Variants in ADCY6 observed in about 807,000 individuals in gnomAD.
ADCY6 encodes adenylate cyclase type 6.
ADCY6 carries 59 observed loss-of-function variants against 111.6 expected under a neutral mutation model. The ratio of observed to expected loss-of-function variants is 0.53; its 90% CI spans 0.43 to 0.66. ADCY6 has a LOEUF of 0.66. ADCY6 is among the 30% of genes least tolerant of loss of function. The pLI is 0.00. For synonymous variants in ADCY6, 576 were observed against 642.9 expected, an observed-to-expected ratio of 0.90 and a Z score of 1.57; for missense variants, 1,242 against 1,595.6, an observed-to-expected ratio of 0.78 and a Z score of 3.78.
Position 48,771,075 on chromosome 12 carries a change from G to A in ADCY6, c.3052-105C>T. On this transcript the variant is annotated intron_variant, in intron 19 of 21. Transcript: ENST00000357869. This position sits in a 1 kb window ranked among gnomAD's most constrained non-coding sequence, Gnocchi z 4.3. ...CCTTGGCTGCCTTCCCCACTTCCCT[G>A]TCTCAAGAGCCCCCTTCCAGCTGCT... The A allele has an allele frequency of 8.9e-7, 1 of 1,129,932 alleles. No homozygotes were observed. The highest frequency in any genetic ancestry group is 1.3e-6 in the Non-Finnish European group (1 of 787,702). 70.0% of individuals were successfully genotyped at this position (1,129,932 alleles called of 1,614,324 possible).
chr12:48,775,621 A>AG, intron 10 of ADCY6, 52 bp downstream of exon 10: 1 of 1,598,100 alleles, frequency 6.3e-7, no homozygotes, highest in Non-Finnish European at 8.6e-7. Flanking sequence ...GGCTCCCCCC[A>AG]GCCCCATCCC....
chr12:48,782,090 C>T lies in ADCY6; in HGVS notation c.864+481G>A, dbSNP rs1311654168. 6.6e-6 allele frequency among the ~76,000 whole-genome samples: 1 copy of T among 152,162 alleles called. No individual in the cohort carries two copies. Among genetic ancestry groups the T allele is most frequent in the Non-Finnish European group, 1.5e-5 (1 of 68,024 alleles). ...GACAACATCCAAAACCTGCTCTATACCTCCAGATCACCACCTAGAGCTGCT... is the reference window on the plus strand; with the variant it reads ...GACAACATCCAAAACCTGCTCTATATCTCCAGATCACCACCTAGAGCTGCT... On this transcript the variant is annotated intron_variant, in intron 2 of 21. Coordinates refer to ENST00000357869, the MANE Select transcript of ADCY6 (RefSeq NM_015270.5). The surrounding 1 kb of genome is among the most constrained non-coding windows in gnomAD (Gnocchi z 4.3).
intron 16 of ADCY6, among the ~76,000 whole-genome samples, chr12:48,772,956 G>A (rs781717302): frequency 6.6e-6 from 1 of 152,226 alleles, no homozygotes; most frequent in Admixed American, 6.5e-5. Flanking sequence ...GAGGCTCAGA[G>A]AAGCTAACTC....
rs758721615 is a variant in ADCY6, at chr12:48,778,307, C to T, written c.865-50G>A. 10 of 1,610,756 alleles carry T rather than the reference C, an allele frequency of 6.2e-6. No individual in the cohort carries two copies. The East Asian group carries it at 1.8e-4, about 29-fold the overall frequency. On this transcript the variant is annotated intron_variant, in intron 2 of 21. Transcript: ENST00000357869. ...AGTGACCATCTCCTCTGCCTGCCCC[C>T]CTAAACACACACACACATTCACACA...
Position 48,776,195 on chromosome 12 carries a change from G to A in ADCY6, c.1677+14C>T, listed in dbSNP as rs1354231271. On this transcript the variant is annotated intron_variant, in intron 8 of 21. Coordinates refer to ENST00000357869, the MANE Select transcript of ADCY6 (RefSeq NM_015270.5). The surrounding 1 kb of genome is among the most constrained non-coding windows in gnomAD (Gnocchi z 6.1). ...TTCTTGCTCCCCTGCCCCCAGCCCT[G>A]CCCTGGCCCTGACCCGTTTCTGGCT... 6.2e-7 allele frequency: 1 copy of A among 1,613,894 alleles called. No homozygotes were observed. Among genetic ancestry groups the A allele is most frequent in the Non-Finnish European group, 8.5e-7 (1 of 1,180,022 alleles).
At chr12:48,785,621 AAAAAT>A (rs1183655429) in intron 1 of ADCY6, among the ~76,000 whole-genome samples, 1 of 152,200 alleles carries the variant, frequency 6.6e-6, no homozygotes, top group African/African-American at 2.4e-5. Context: ...CTCCATCTCA[AAAAAT>A]AAAATAATAA....
In ADCY6 at chr12:48,771,672, C is replaced by T. The variant is rs745316597; in HGVS notation, c.3051+38G>A. 2 of 1,612,500 alleles carry T rather than the reference C, an allele frequency of 1.2e-6. No individual in the cohort carries two copies. Among genetic ancestry groups the T allele is most frequent in the South Asian group, 1.1e-5 (1 of 91,026 alleles). On this transcript the variant is annotated intron_variant, in intron 19 of 21. Transcript: ENST00000357869. The surrounding 1 kb of genome is among the most constrained non-coding windows in gnomAD (Gnocchi z 4.3). ...TTCCAATCCCTGGTCTCCAAGTACC[C>T]CCCACTCTCTGCCACCACCAGCCAA...
At chr12:48,785,583 C>T (rs979645865) in intron 1 of ADCY6, among the ~76,000 whole-genome samples, 7 of 152,120 alleles carry the variant, frequency 4.6e-5, no homozygotes, top group African/African-American at 9.7e-5. Context: ...CACACCATTG[C>T]GCTCCAGCTT....
In ADCY6 at chr12:48,785,511, C is replaced by T. The variant is rs988520552; in HGVS notation, c.-4-2073G>A. Among the ~76,000 whole-genome samples, 5 of 152,102 alleles carry T rather than the reference C, an allele frequency of 3.3e-5. No homozygotes were observed. In the East Asian group the frequency reaches 9.6e-4, roughly 29 times the overall value. ...GCGCATGCCTGTAATCCCAGCTATT[C>T]GGGAGGCTGAGGTGAGAGAATCACT... On this transcript the variant is annotated intron_variant, in intron 1 of 21. Transcript: ENST00000357869.
At position 48,774,965 on chromosome 12, in the gene ADCY6, G is replaced by A; in HGVS notation, c.2070C>T (p.Ile690=). 1 of 1,554,920 alleles carries A rather than the reference G, an allele frequency of 6.4e-7. No homozygotes were observed. Among genetic ancestry groups the A allele is most frequent in the East Asian group, 2.4e-5 (1 of 41,280 alleles). Residue 690 remains isoleucine, a synonymous_variant, in exon 12 of 22, where the codon ATC becomes ATT. Transcript: ENST00000357869. ...AAAGGCAGGGCTCTCACTGTGGGAAGATGAGAAGCTGGATGAAGCAGATGA... is the reference window on the plus strand; with the variant it reads ...AAAGGCAGGGCTCTCACTGTGGGAAAATGAGAAGCTGGATGAAGCAGATGA... ...FCFICFIQLL[I]FPHSTLMLGI...
chr12:48,788,924 G>T lies in ADCY6; in HGVS notation c.-23C>A, dbSNP rs779459162. On this transcript the variant is annotated 5_prime_UTR_variant, in exon 1 of 22. Transcript: ENST00000357869. ...CGCTCACCTGCCGGCCCGGCTCCGCGCCTGCCCTGGGCCCCCGCCCCGCCG... is the reference window on the plus strand; with the variant it reads ...CGCTCACCTGCCGGCCCGGCTCCGCTCCTGCCCTGGGCCCCCGCCCCGCCG... 7.0e-3 allele frequency: 1,032 copies of T among 148,234 alleles called. 6 individuals carry two copies. Among genetic ancestry groups the T allele is most frequent in the Non-Finnish European group, 0.01 (668 of 66,452 alleles). The allele number at this position is 148,234 out of a possible 1,614,324, so 9.2% of individuals were successfully genotyped here.
At position 48,783,216 on chromosome 12, in the gene ADCY6, C is replaced by T; in HGVS notation, c.219G>A (p.Arg73=). 6.2e-7 allele frequency: 1 copy of T among 1,607,844 alleles called. No homozygotes were observed. The highest frequency in any genetic ancestry group is 8.5e-7 in the Non-Finnish European group (1 of 1,179,608). The change falls in exon 2 of 22, where the codon AGG becomes AGA. Residue 73 remains arginine, a synonymous_variant. Transcript: ENST00000357869. ...GCTCCTTGCCCTTGCCTGGGCCGCC[C>T]CTCCGGATGAAGGCGTCATCCTGCC... The part of the protein sequence containing the change: ...CPWQDDAFIR[R]GGPGKGKELG...
chr12:48,781,032 T>C (rs1941829671), intron 2 of ADCY6, among the ~76,000 whole-genome samples: 1 of 152,076 alleles, frequency 6.6e-6, no homozygotes, highest in African/African-American at 2.4e-5. Context: ...AACTTGTCTC[T>C]ACTAAAAATA....
chr12:48,775,186 C>T, intron 11 of ADCY6, 117 bp downstream of exon 11: 1 of 1,498,454 alleles, frequency 6.7e-7, no homozygotes, highest in Non-Finnish European at 9.1e-7. Context: ...CCTCACCCTG[C>T]TCTGTGGTCC....
At position 48,777,368 on chromosome 12, in the gene ADCY6, C is replaced by T. The variant is rs759957423; in HGVS notation, c.1248+42G>A. On this transcript the variant is annotated intron_variant, in intron 5 of 21. Coordinates refer to ENST00000357869, the MANE Select transcript of ADCY6 (RefSeq NM_015270.5). This position sits in a 1 kb window ranked among gnomAD's most constrained non-coding sequence, Gnocchi z 4.9. ...TGCCAGCAAAGCTATGCTCTCACCA[C>T]GGTCAACACCCAGGCCCAATCCCAA... The T allele has an allele frequency of 6.8e-6, 11 of 1,607,874 alleles. No individual in the cohort carries two copies. Among genetic ancestry groups the T allele is most frequent in the African/African-American group, 2.7e-5 (2 of 74,810 alleles).
chr12:48,773,457 G>T lies in ADCY6; in HGVS notation c.2621+12C>A. On this transcript the variant is annotated intron_variant, in intron 16 of 21. Transcript: ENST00000357869. Reference sequence around the variant, plus strand: ...GCTCCTGGGGTATTAAAGGACCTGAGAATAAACTCACAAGCCATGGACGCC... The same window carrying T: ...GCTCCTGGGGTATTAAAGGACCTGATAATAAACTCACAAGCCATGGACGCC... 1 of 1,612,736 alleles carries T rather than the reference G, an allele frequency of 6.2e-7. No homozygotes were observed. Among genetic ancestry groups the T allele is most frequent in the Non-Finnish European group, 8.5e-7 (1 of 1,179,246 alleles).
Position 48,776,285 on chromosome 12 carries a change from CG to C in ADCY6, c.1600del (p.Arg534ValfsTer47). ...LNGDYEVEPGRGGERNAYLKE... is the reference protein window; with the variant it reads ...LNGDYEVEPGXGGERNAYLKE... ...GAGGTACGCGTTGCGCTCGCCACCA[CG>C]GCCTGGCTCCACCTCGTAGTCCCCG... is the stretch of plus-strand genomic sequence containing the variant. On this transcript the variant is annotated frameshift_variant, in exon 8 of 22. Transcript: ENST00000357869. LOFTEE classifies it high-confidence loss of function. This position sits in a 1 kb window ranked among gnomAD's most constrained non-coding sequence, Gnocchi z 6.1. 6.2e-7 allele frequency: 1 copy of C among 1,614,248 alleles called. No homozygotes were observed. The highest frequency in any genetic ancestry group is 8.5e-7 in the Non-Finnish European group (1 of 1,180,048).
chr12:48,772,960 C>G (rs1289618942), intron 16 of ADCY6, among the ~76,000 whole-genome samples: 1 of 152,164 alleles, frequency 6.6e-6, no homozygotes, highest in Non-Finnish European at 1.5e-5. Context: ...CTCAGAGAAG[C>G]TAACTCACCT....
rs745613020 is a variant in ADCY6 at position 48,775,419 on chromosome 12, C to T, written c.1864G>A (p.Asp622Asn). Residue 622 changes from aspartate to asparagine, a missense_variant, in exon 11 of 22, where the codon GAT (aspartate) becomes AAT (asparagine). Asp to Asn is a conservative substitution (Grantham distance 23, BLOSUM62 1). This residue lies in a region of ADCY6 where 375 missense variants were observed against 432.5 expected (regional missense o/e 0.87). Coordinates refer to ENST00000357869, the MANE Select transcript of ADCY6 (RefSeq NM_015270.5). ...RGTQDALNPE[D>N]EVDEFLSRAI... ...CGGCTCAGGAACTCATCCACCTCAT[C>T]CTCAGGGTTCAGGGCATCTTGGGTG... 5.0e-6 allele frequency: 8 copies of T among 1,614,064 alleles called. No homozygotes were observed. The highest frequency in any genetic ancestry group is 6.8e-6 in the Non-Finnish European group (8 of 1,180,040).
Sources: allele counts gnomAD v4.1 joint callset (sites outside exome capture counted in the v4.1 genomes callset), GRCh38; gene constraint gnomAD v4.1.1; regional missense constraint gnomAD v4.1.1; non-coding constraint Gnocchi (gnomAD v3.1); transcripts MANE v1.5; gene names NCBI Gene and HGNC (gene_info 2026-07-23, HGNC 2026-07-21).